Variants in FES observed in about 807,000 individuals in gnomAD.
FES encodes tyrosine-protein kinase Fes/Fps.
In FES, 83 loss-of-function variants were observed where a neutral mutation model predicts 109.6. The observed-to-expected ratio is 0.76, with a 90% CI of 0.63 to 0.91. The LOEUF (loss-of-function observed/expected upper bound fraction) is 0.91. FES is among the 40% of genes least tolerant of loss of function. FES has a pLI of 0.00. For missense variants in FES, 943 were observed against 1,070.9 expected (o/e 0.88, Z 1.67); for synonymous variants, 458 against 442.1 (o/e 1.04, Z -0.45).
Position 90,886,896 on chromosome 15 carries a change from C to T in FES, c.388-65C>T, listed in dbSNP as rs28729940. Reference sequence around the variant, plus strand: ...CGACAGGACCTTTCCAGGGCTTCACCCCAGGCAAGAATCTTCCACAACTGG... The same window carrying T: ...CGACAGGACCTTTCCAGGGCTTCACTCCAGGCAAGAATCTTCCACAACTGG... On this transcript the variant is annotated intron_variant, in intron 3 of 18. Transcript: ENST00000328850. 170 of 1,510,204 alleles carry T rather than the reference C, an allele frequency of 1.1e-4. No homozygotes were observed. In the African/African-American group the frequency reaches 2.1e-3, roughly 19 times the overall value. The allele number at this position is 1,510,204 out of a possible 1,614,324, so 93.6% of individuals were successfully genotyped here. A position where few individuals can be genotyped will look rare whatever the true frequency, so the allele number is the denominator to read the frequency against.
Position 90,890,385 on chromosome 15 carries a change from C to T in FES, c.1237-16C>T. The T allele has an allele frequency of 6.2e-7, 1 of 1,611,812 alleles. No homozygotes were observed. Among genetic ancestry groups the T allele is most frequent in the South Asian group, 1.1e-5 (1 of 91,074 alleles). On this transcript the variant is annotated splice_polypyrimidine_tract_variant and intron_variant, in intron 9 of 18. Transcript: ENST00000328850. ...CCTAAGCCTGGCCACCCGCTGACGT[C>T]TGTCCCTGGCCTCAGGAGCAGGAGC...
Position 90,893,201 on chromosome 15 carries a change from G to A in FES, c.1921+7G>A, listed in dbSNP as rs368182041. Reference sequence around the variant, plus strand: ...GTCATGGAGCTTGTGCAGGGTGAGCGCGGGGCGCTGAGCTCCAGGTAGGGC... The same window carrying A: ...GTCATGGAGCTTGTGCAGGGTGAGCACGGGGCGCTGAGCTCCAGGTAGGGC... On this transcript the variant is annotated splice_region_variant and intron_variant, in intron 15 of 18. Coordinates refer to ENST00000328850, the MANE Select transcript of FES (RefSeq NM_002005.4). 1.9e-5 allele frequency: 30 copies of A among 1,613,590 alleles called. No homozygotes were observed. In the Admixed American group the frequency reaches 2.3e-4, roughly 13 times the overall value.
At position 90,892,712 on chromosome 15, in the gene FES, CT is replaced by C; in HGVS notation, c.1716del (p.Phe572LeufsTer18). On this transcript the variant is annotated frameshift_variant, in exon 14 of 19. Transcript: ENST00000328850. LOFTEE classifies it high-confidence loss of function. Reference sequence around the variant, plus strand: ...GGAGCCCAAGACCGTTTCAGGGGAACTTTGGCGAAGTGTTCAGCGGACGCCT... The same window carrying C: ...GGAGCCCAAGACCGTTTCAGGGGAACTTGGCGAAGTGTTCAGCGGACGCCT... ...VLGEQIGRGN[F>X]GEVFSGRLRA... The C allele has an allele frequency of 6.2e-7, 1 of 1,607,308 alleles. No homozygotes were observed. Among genetic ancestry groups the C allele is most frequent in the Non-Finnish European group, 8.5e-7 (1 of 1,176,852 alleles).
chr15:90,891,607 C>T lies in FES; in HGVS notation c.1584C>T (p.Asp528=). ...TTCCTAGCATTCCTTTGCTCATCGACCACCTACTGAGCACCCAGCAGCCCC... is the reference window on the plus strand; with the variant it reads ...TTCCTAGCATTCCTTTGCTCATCGATCACCTACTGAGCACCCAGCAGCCCC... The part of the protein sequence containing the change: ...EGFPSIPLLI[D]HLLSTQQPLT... The change falls in exon 12 of 19, where the codon GAC becomes GAT. Residue 528 remains aspartate, a synonymous_variant. Transcript: ENST00000328850. The T allele has an allele frequency of 6.2e-7, 1 of 1,614,058 alleles. No homozygotes were observed. Among genetic ancestry groups the T allele is most frequent in the Admixed American group, 1.7e-5 (1 of 60,030 alleles).
chr15:90,888,191 C>T (rs1043133603), intron 5 of FES, among the ~76,000 whole-genome samples: 2 of 152,152 alleles, frequency 1.3e-5, no homozygotes, highest in African/African-American at 2.4e-5. Context: ...CTGCAACCTC[C>T]GCCTCCCAGG....
intron 9 of FES, 54 bp downstream of exon 9, chr15:90,890,332 T>C (rs2033089394): frequency 6.3e-7 from 1 of 1,592,228 alleles, no homozygotes; most frequent in African/African-American, 1.3e-5. Flanking sequence ...CACCTGGGGC[T>C]GCGCTCCTCA....
rs756352736 is a variant in FES at position 90,885,071 on chromosome 15, G to A, written c.26G>A (p.Ser9Asn). The part of the protein sequence containing the change: MGFSSELC[S>N]PQGHGVLQQM... ...ATGGGCTTCTCTTCCGAGCTGTGCAGCCCCCAGGGCCACGGGGTCCTGCAG... is the reference window on the plus strand; with the variant it reads ...ATGGGCTTCTCTTCCGAGCTGTGCAACCCCCAGGGCCACGGGGTCCTGCAG... The change falls in exon 2 of 19, where the codon AGC (serine) becomes AAC (asparagine). Residue 9 changes from serine to asparagine, a missense_variant. By Grantham distance (46) the Ser-to-Asn change is conservative. Coordinates refer to ENST00000328850, the MANE Select transcript of FES (RefSeq NM_002005.4). 4 of 1,612,734 alleles carry A rather than the reference G, an allele frequency of 2.5e-6. No individual in the cohort carries two copies. The highest frequency in any genetic ancestry group is 2.2e-5 in the South Asian group (2 of 91,044).
At chr15:90,893,453 GACCAGAGTCAAGAGGTACCTAT>G (rs2033421682) in intron 16 of FES, 39 bp downstream of exon 16, 2 of 1,517,554 alleles carry the variant, frequency 1.3e-6, no homozygotes, top group Non-Finnish European at 1.8e-6. Context: ...CAACACCCCC[GACCAGAGTCAAGAGGTACCTAT>G]ACCCCTAGGG....
At chr15:90,892,666 G>A (rs758203750) in intron 13 of FES, 41 bp from the exon 14 acceptor site, 15 of 1,547,394 alleles carry the variant, frequency 9.7e-6, no homozygotes, top group South Asian at 3.5e-5. Context: ...AGAGAACTGC[G>A]GGACTGGGAA....
chr15:90,888,727 A>G (rs961977235), intron 5 of FES, among the ~76,000 whole-genome samples: 3 of 151,896 alleles, frequency 2.0e-5, no homozygotes, highest in Non-Finnish European at 4.4e-5. Context: ...GAAGAGGTTT[A>G]GGAGACAAGG....
Position 90,894,021 on chromosome 15 carries a change from C to A in FES, c.2289C>A (p.Asn763Lys), listed in dbSNP as rs969319714. Residue 763 changes from asparagine to lysine, a missense_variant, in exon 18 of 19, where the codon AAC becomes AAA. Physicochemically the swap from Asn to Lys is moderately conservative, Grantham distance 94. Coordinates refer to ENST00000328850, the MANE Select transcript of FES (RefSeq NM_002005.4). ...TFSLGASPYP[N>K]LSNQQTREFV... is the part of the protein sequence containing the mutation. ...GCCTGGGGGCCTCCCCCTATCCCAA[C>A]CTCAGCAATCAGCAGACACGGGAGT... The A allele has an allele frequency of 6.2e-7, 1 of 1,613,780 alleles. No homozygotes were observed. Among genetic ancestry groups the A allele is most frequent in the Non-Finnish European group, 8.5e-7 (1 of 1,180,002 alleles).
intron 18 of FES, among the ~76,000 whole-genome samples, chr15:90,894,414 A>G (rs780643722): frequency 2.6e-5 from 4 of 152,054 alleles, no homozygotes; most frequent in Non-Finnish European, 4.4e-5. Flanking sequence ...GTGAAACCCC[A>G]TCTCTACTAA....
Position 90,891,129 on chromosome 15 carries a change from G to A in FES, c.1468G>A (p.Glu490Lys). The A allele has an allele frequency of 6.3e-7, 1 of 1,580,316 alleles. No homozygotes were observed. Among genetic ancestry groups the A allele is most frequent in the Non-Finnish European group, 8.6e-7 (1 of 1,162,942 alleles). ...GGTGCGGGAGAGCCAGGGCAAGCAG[G>A]AGTACGTGCTGTCGGTGCTGTGGGA... is the stretch of plus-strand genomic sequence containing the variant. ...FLVRESQGKQ[E>K]YVLSVLWDGL... The change falls in exon 11 of 19, where the codon GAG (glutamate) becomes AAG (lysine). Residue 490 changes from glutamate to lysine, a missense_variant. By Grantham distance (56) the Glu-to-Lys change is moderately conservative (BLOSUM62 1). Transcript: ENST00000328850.
chr15:90,888,295 G>A (rs996323425), intron 5 of FES, among the ~76,000 whole-genome samples: 3 of 152,122 alleles, frequency 2.0e-5, no homozygotes, highest in Non-Finnish European at 2.9e-5. Context: ...TAGTAGAGAT[G>A]GGGTTTCACC....
chr15:90,886,879 C>A, intron 3 of FES, 82 bp from the exon 4 acceptor site: 1 of 1,357,096 alleles, frequency 7.4e-7, no homozygotes, highest in Admixed American at 1.8e-5. Flanking sequence ...GACGACAGGA[C>A]CTTTCCAGGG....
rs1197129295 is a variant in FES, at chr15:90,886,999, C to T, written c.426C>T (p.Tyr142=). 1.9e-6 allele frequency: 3 copies of T among 1,614,056 alleles called. No homozygotes were observed. The highest frequency in any genetic ancestry group is 1.3e-5 in the African/African-American group (1 of 74,942). ...ACATTGAGAAGCTGAAGAGCCAGTA[C>T]CGAGCTCTGGCACGGGACAGTGCCC... The part of the protein sequence containing the change: ...SQDIEKLKSQ[Y]RALARDSAQA... The change falls in exon 4 of 19, where the codon TAC becomes TAT. Residue 142 remains tyrosine, a synonymous_variant. Coordinates refer to ENST00000328850, the MANE Select transcript of FES (RefSeq NM_002005.4).
At chr15:90,891,278 G>T (rs1260174591) in intron 11 of FES, 87 bp downstream of exon 11, 1 of 1,467,226 alleles carries the variant, frequency 6.8e-7, no homozygotes, top group Non-Finnish European at 9.2e-7. Flanking sequence ...CAGGGTAGGG[G>T]GTAGCTGCCA....
In FES at chr15:90,890,383, G is replaced by A. The variant is rs200611368; in HGVS notation, c.1237-18G>A. On this transcript the variant is annotated intron_variant, in intron 9 of 18. Coordinates refer to ENST00000328850, the MANE Select transcript of FES (RefSeq NM_002005.4). The stretch of plus-strand genomic sequence containing the variant: ...TCCCTAAGCCTGGCCACCCGCTGAC[G>A]TCTGTCCCTGGCCTCAGGAGCAGGA... The A allele has an allele frequency of 1.1e-5, 17 of 1,611,552 alleles. No individual in the cohort carries two copies. The African/African-American group carries it at 1.5e-4, about 14-fold the overall frequency.
intron 17 of FES, 48 bp from the exon 18 acceptor site, chr15:90,893,888 C>T: frequency 6.2e-7 from 1 of 1,611,532 alleles, no homozygotes; most frequent in Non-Finnish European, 8.5e-7. Flanking sequence ...CGCCCTGGCC[C>T]CAGGGAGGGT....
Sources: allele counts gnomAD v4.1 joint callset (sites outside exome capture counted in the v4.1 genomes callset), GRCh38; gene constraint gnomAD v4.1.1; transcripts MANE v1.5; gene names NCBI Gene and HGNC (gene_info 2026-07-23, HGNC 2026-07-21).